Variants in ACACA observed in about 807,000 individuals in gnomAD.
ACACA encodes the protein acetyl-CoA carboxylase 1.
Under a neutral mutation model 296.1 loss-of-function variants are expected in ACACA, and 103 were observed. That is an observed-to-expected ratio of 0.35 (90% confidence interval 0.30 to 0.41). ACACA has a LOEUF of 0.41. Among genes scored for constraint, ACACA ranks in the 10% least tolerant of loss-of-function variants. The pLI, the probability that ACACA is intolerant of heterozygous loss-of-function variation, is 1.00. For missense variants in ACACA, 1,554 were observed against 2,989.7 expected (o/e 0.52, Z 11.20); for synonymous variants, 953 against 1,038.6 (o/e 0.92, Z 1.58).
chr17:37,217,998 C>A (rs1361346899), intron 29 of ACACA, among the ~76,000 whole-genome samples: 1 of 151,472 alleles, frequency 6.6e-6, no homozygotes, highest in Admixed American at 6.6e-5. Context: ...ATTCATATAC[C>A]TTTTCTTTAT....
chr17:37,386,221 T>C, intron 1 of ACACA: 1 of 706,646 alleles, frequency 1.4e-6, no homozygotes, highest in Non-Finnish European at 2.3e-6. Flanking sequence ...TTAGTCTGGA[T>C]CTACTGATAT....
chr17:37,179,439 A>G, intron 40 of ACACA, 33 bp from the exon 41 acceptor site: 1 of 1,611,526 alleles, frequency 6.2e-7, no homozygotes. Flanking sequence ...CTAATCAGTC[A>G]CAATAATTTC....
At chr17:37,173,995 TATATATATATATATATATA>T (rs1483278415) in intron 41 of ACACA, among the ~76,000 whole-genome samples, 52 of 9,330 alleles carry the variant, frequency 5.6e-3, no homozygotes, top group African/African-American at 0.03. Flanking sequence ...TATATATATA[TATATATATATATATATATA>T]TATATATTTT....
rs186756528 is a variant in ACACA at position 37,193,834 on chromosome 17, C to T, written c.4159-419G>A. ...CTTTAAGAAACTCTTAAAATATAAA[C>T]TACTCAGACAGTATAGAGTGCTCAG... On this transcript the variant is annotated intron_variant, in intron 35 of 55. Transcript: ENST00000616317. Among the ~76,000 whole-genome samples, 131 of 152,270 alleles carry T rather than the reference C, an allele frequency of 8.6e-4. 2 individuals carry two copies. Among genetic ancestry groups the T allele is most frequent in the South Asian group, 2.7e-3 (13 of 4,826 alleles).
At chr17:37,283,967 C>A (rs764258725) in intron 4 of ACACA, among the ~76,000 whole-genome samples, 1 of 152,322 alleles carries the variant, frequency 6.6e-6, no homozygotes, top group East Asian at 1.9e-4. Context: ...ACAAACCTTT[C>A]GTCTCCTTAC....
At chr17:37,215,502 A>G (rs1264453243) in intron 29 of ACACA, among the ~76,000 whole-genome samples, 1 of 152,222 alleles carries the variant, frequency 6.6e-6, no homozygotes, top group Non-Finnish European at 1.5e-5. Flanking sequence ...TCATATGCAT[A>G]GGCACAATTT....
At position 37,406,769 on chromosome 17, in the gene ACACA, G is replaced by A. The variant is rs893087367; in HGVS notation, c.-470C>T. ...AGGCGCGCGGCGGGGACCGGGAAAAGGCCAAGAGGGCGGTGGCGGGCGCTC... is the reference window on the plus strand; with the variant it reads ...AGGCGCGCGGCGGGGACCGGGAAAAAGCCAAGAGGGCGGTGGCGGGCGCTC... On this transcript the variant is annotated 5_prime_UTR_variant, in exon 1 of 56. Transcript: ENST00000616317. 35 of 156,758 alleles carry A rather than the reference G, an allele frequency of 2.2e-4. No homozygotes were observed. Among genetic ancestry groups the A allele is most frequent in the Non-Finnish European group, 4.5e-4 (32 of 71,534 alleles). 9.7% of individuals were successfully genotyped at this position (156,758 alleles called of 1,614,324 possible).
intron 23 of ACACA, among the ~76,000 whole-genome samples, chr17:37,241,184 G>A (rs1356438863): frequency 6.6e-6 from 1 of 151,720 alleles, no homozygotes; most frequent in African/African-American, 2.4e-5. Flanking sequence ...GACAGTGTGA[G>A]ACCCTGTCTC....
rs961134373 is a variant in ACACA, at chr17:37,259,591, C to T, written c.1330-61G>A. 49 of 1,577,174 alleles carry T rather than the reference C, an allele frequency of 3.1e-5. No homozygotes were observed. The Admixed American group carries it at 3.5e-4, about 11-fold the overall frequency. On this transcript the variant is annotated intron_variant, in intron 11 of 55. Coordinates refer to ENST00000616317, the MANE Select transcript of ACACA (RefSeq NM_198834.3). ...ACCTTATCCAACTGCTAGACCACTA[C>T]AGCCTCTCACTGACTCAACTGTTCA...
chr17:37,237,949 C>T (rs781181494), intron 24 of ACACA, among the ~76,000 whole-genome samples: 4 of 152,066 alleles, frequency 2.6e-5, no homozygotes, highest in African/African-American at 9.7e-5. Flanking sequence ...TTTTTAGAGA[C>T]GGGGTCTTGC....
intron 14 of ACACA, among the ~76,000 whole-genome samples, chr17:37,253,282 C>G (rs1424332157): frequency 1.3e-5 from 2 of 152,074 alleles, no homozygotes; most frequent in East Asian, 3.9e-4. Flanking sequence ...GTCCCAGCTA[C>G]TCGGGAGGCT....
Position 37,406,563 on chromosome 17 carries a change from C to A in ACACA, c.-264G>T, listed in dbSNP as rs1421813421. 5.1e-6 allele frequency: 3 copies of A among 591,350 alleles called. No individual in the cohort carries two copies. The highest frequency in any genetic ancestry group is 9.0e-6 in the Non-Finnish European group (3 of 332,010). 36.6% of individuals were successfully genotyped at this position (591,350 alleles called of 1,614,324 possible). ...GGAGATGGGAACGTTATCCCCAAAC[C>A]CAGGCAGTCCCGGCTCGGCCCGCCT... On this transcript the variant is annotated 5_prime_UTR_variant, in exon 1 of 56. Transcript: ENST00000616317.
intron 10 of ACACA, among the ~76,000 whole-genome samples, chr17:37,269,575 C>G (rs1348682538): frequency 6.6e-6 from 1 of 152,050 alleles, no homozygotes; most frequent in Non-Finnish European, 1.5e-5. Flanking sequence ...TATGGGCACT[C>G]AAAGTAAGAT....
At chr17:37,101,228 A>G (rs1218468932) in intron 52 of ACACA, among the ~76,000 whole-genome samples, 4 of 152,256 alleles carry the variant, frequency 2.6e-5, no homozygotes, top group Non-Finnish European at 4.4e-5. Flanking sequence ...TGGGATATTA[A>G]CAATAGGTGA....
intron 39 of ACACA, among the ~76,000 whole-genome samples, chr17:37,181,626 G>A (rs1174652391): frequency 2.6e-5 from 4 of 152,090 alleles, no homozygotes; most frequent in Non-Finnish European, 4.4e-5. Context: ...AAGGCCAGGC[G>A]CAGTGGCTCA....
chr17:37,263,915 A>T, intron 10 of ACACA, 21 bp from the exon 11 acceptor site: 1 of 1,601,442 alleles, frequency 6.2e-7, no homozygotes, highest in Non-Finnish European at 8.5e-7. Flanking sequence ...AAAGGGGGAA[A>T]AAAAAAACCA....
At chr17:37,291,167 C>CACACACACACACACACACACAT (rs1406633859) in intron 3 of ACACA, among the ~76,000 whole-genome samples, 4 of 61,696 alleles carry the variant, frequency 6.5e-5, no homozygotes, top group African/African-American at 3.4e-4. Flanking sequence ...CACACACACA[C>CACACACACACACACACACACAT]ATCTCATAAT....
chr17:37,280,016 C>G (rs1166825293), intron 5 of ACACA, among the ~76,000 whole-genome samples: 1 of 151,874 alleles, frequency 6.6e-6, no homozygotes, highest in Non-Finnish European at 1.5e-5. Flanking sequence ...TACGGCTGTC[C>G]AATTATATCC....
At chr17:37,217,764 A>C (rs1015209687) in intron 29 of ACACA, among the ~76,000 whole-genome samples, 8 of 106,762 alleles carry the variant, frequency 7.5e-5, no homozygotes, top group Non-Finnish European at 1.1e-4. Flanking sequence ...AAAAAAAAAA[A>C]CAACCTGTTT....
Sources: gnomAD v4.1 joint callset for allele counts (sites outside exome capture counted in the v4.1 genomes callset) on GRCh38, gnomAD v4.1.1 for gene constraint, MANE v1.5 for transcripts, NCBI Gene and HGNC (gene_info 2026-07-23, HGNC 2026-07-21) for gene names.